SCN2A: variants seen among roughly 807,000 people sequenced by gnomAD.
The protein encoded by SCN2A is sodium channel protein type 2 subunit alpha.
In SCN2A, 20 loss-of-function variants were observed where a neutral mutation model predicts 188.7. The ratio of observed to expected loss-of-function variants is 0.11; its 90% CI spans 0.07 to 0.15. The LOEUF is 0.15. Among genes scored for constraint, SCN2A ranks in the 10% least tolerant of loss-of-function variants. The probability of loss-of-function intolerance (pLI) is 1.00; values close to 1 mark genes in which losing one functional copy is unlikely to be tolerated. For missense variants in SCN2A, 1,278 were observed against 2,445.0 expected (o/e 0.52, Z 10.07); for synonymous variants, 804 against 833.1 (o/e 0.97, Z 0.60).
chr2:165,382,656 C>G (rs1428531670), intron 25 of SCN2A, among the ~76,000 whole-genome samples: 1 of 152,020 alleles, frequency 6.6e-6, no homozygotes, highest in African/African-American at 2.4e-5. Context: ...ATGTAAATAA[C>G]AGAGAATCTA....
At chr2:165,294,040 A>AGTTT (rs780674346) in intron 1 of SCN2A, 10 of 630,412 alleles carry the variant, frequency 1.6e-5, no homozygotes, top group Non-Finnish European at 1.9e-5. Context: ...AAAAAAAAAG[A>AGTTT]TTTTTTTTTT....
intron 13 of SCN2A, among the ~76,000 whole-genome samples, chr2:165,330,483 T>G (rs1698617364): frequency 6.6e-6 from 1 of 152,174 alleles, no homozygotes; most frequent in Non-Finnish European, 1.5e-5. Context: ...TCTCCCAATG[T>G]TTGGTTGAAA....
intron 1 of SCN2A, 130 bp from the exon 2 acceptor site, chr2:165,295,643 A>G (rs749431596): frequency 2.4e-6 from 2 of 833,698 alleles, no homozygotes; most frequent in South Asian, 1.7e-5. Context: ...AATACCAAAT[A>G]CAGCTTTCTT....
intron 14 of SCN2A, among the ~76,000 whole-genome samples, chr2:165,336,813 A>G (rs1014967719): frequency 2.0e-5 from 3 of 151,986 alleles, no homozygotes; most frequent in African/African-American, 7.2e-5. Context: ...GTTGCAGTAA[A>G]TGTTCTTGTA....
intron 1 of SCN2A, among the ~76,000 whole-genome samples, chr2:165,259,353 G>A (rs1378800181): frequency 6.6e-6 from 1 of 152,110 alleles, no homozygotes; most frequent in East Asian, 1.9e-4. Flanking sequence ...AATGAAGTTT[G>A]TTGCATTGAT....
At chr2:165,301,329 G>A (rs1696797113) in intron 3 of SCN2A, among the ~76,000 whole-genome samples, 1 of 152,006 alleles carries the variant, frequency 6.6e-6, no homozygotes, top group Non-Finnish European at 1.5e-5. Flanking sequence ...GTGTACAGCT[G>A]GTATTTAAAG....
chr2:165,389,727 C>T lies in SCN2A; in HGVS notation c.5921C>T (p.Ser1974Leu). 6.2e-7 allele frequency: 1 copy of T among 1,613,768 alleles called. No individual in the cohort carries two copies. The change falls in exon 27 of 27, where the codon TCG becomes TTG. Residue 1974 changes from serine to leucine, a missense_variant. Physicochemically the swap from Ser to Leu is moderately radical, Grantham distance 145. Transcript: ENST00000375437. This position sits in a 1 kb window ranked among gnomAD's most constrained non-coding sequence, Gnocchi z 4.2. Reference protein sequence around the residue: ...DMTPSTTSPPSYDSVTKPEKE... With the variant: ...DMTPSTTSPPLYDSVTKPEKE... ...ACGCCTTCCACCACGTCTCCACCCT[C>T]GTATGATAGTGTGACCAAACCAGAA...
chr2:165,248,416 T>A lies in SCN2A; in HGVS notation c.-52+8776T>A, dbSNP rs1016684507. Among the ~76,000 whole-genome samples, 18 of 152,154 alleles carry A rather than the reference T, an allele frequency of 1.2e-4. 1 individual carries two copies. The highest frequency in any genetic ancestry group is 2.9e-5 in the Non-Finnish European group (2 of 68,014). On this transcript the variant is annotated intron_variant, in intron 1 of 26. Coordinates refer to ENST00000375437, the MANE Select transcript of SCN2A (RefSeq NM_001040142.2). ...CACTTCAATCCTTTGGGCTGTTTCC[T>A]CTGCCTAGAAACCTTTTGCCTCAGG...
chr2:165,295,916 A>C lies in SCN2A; in HGVS notation c.93A>C (p.Glu31Asp), dbSNP rs1696479768. 6.2e-7 allele frequency: 1 copy of C among 1,614,040 alleles called. No individual in the cohort carries two copies. The highest frequency in any genetic ancestry group is 1.7e-5 in the Admixed American group (1 of 59,980). The change falls in exon 2 of 27, where the codon GAA becomes GAC. Residue 31 changes from glutamate (E) to aspartate (D), a missense_variant. This residue lies in a region of SCN2A where 141 missense variants were observed against 185.4 expected (regional missense o/e 0.76). Coordinates refer to ENST00000375437, the MANE Select transcript of SCN2A (RefSeq NM_001040142.2). ...SLAAIEQRIA[E>D]EKAKRPKQER... ...CTGCTATTGAACAACGCATTGCAGA[A>C]GAGAAAGCTAAGAGACCCAAACAGG...
intron 1 of SCN2A, chr2:165,272,683 TTAGA>T (rs1257585943): frequency 5.9e-5 from 9 of 151,444 alleles, no homozygotes; most frequent in Non-Finnish European, 1.3e-4. Context: ...TCAATTACAA[TTAGA>T]TATATAGAAA....
chr2:165,367,939 T>C (rs1255089836), intron 19 of SCN2A, among the ~76,000 whole-genome samples: 1 of 152,150 alleles, frequency 6.6e-6, no homozygotes, highest in African/African-American at 2.4e-5. Context: ...AGTGTTACAG[T>C]GCCCTTTTAG....
chr2:165,370,112 T>G lies in SCN2A; in HGVS notation c.3676-14T>G. 1.2e-6 allele frequency: 2 copies of G among 1,611,012 alleles called. No homozygotes were observed. The highest frequency in any genetic ancestry group is 1.1e-5 in the South Asian group (1 of 90,952). On this transcript the variant is annotated splice_polypyrimidine_tract_variant and intron_variant, in intron 19 of 26. Coordinates refer to ENST00000375437, the MANE Select transcript of SCN2A (RefSeq NM_001040142.2). ...TTCTGATCATAAAATTTAATAGAAT[T>G]TTTTGACTTACAGGCCTTTGAAGAT... is the stretch of plus-strand genomic sequence containing the variant.
intron 19 of SCN2A, among the ~76,000 whole-genome samples, chr2:165,368,863 A>T (rs765722200): frequency 1.3e-5 from 2 of 152,086 alleles, no homozygotes; most frequent in Non-Finnish European, 2.9e-5. Flanking sequence ...TTGACTAAGA[A>T]TCCTGTGTCC....
chr2:165,295,531 A>G (rs188435210), intron 1 of SCN2A, among the ~76,000 whole-genome samples: 62 of 152,362 alleles, frequency 4.1e-4, no homozygotes, highest in Non-Finnish European at 8.2e-4. Context: ...CAATCACTTA[A>G]AACATTTTGG....
chr2:165,317,730 T>C (rs1183684331), intron 11 of SCN2A, among the ~76,000 whole-genome samples: 1 of 152,120 alleles, frequency 6.6e-6, no homozygotes, highest in African/African-American at 2.4e-5. Context: ...ATTTCCCAGC[T>C]AGTTGGGTAT....
rs2105337416 is a variant in SCN2A at position 165,354,547 on chromosome 2, A to T, written c.3275A>T (p.Tyr1092Phe). 1.9e-6 allele frequency: 3 copies of T among 1,614,156 alleles called. No individual in the cohort carries two copies. Among genetic ancestry groups the T allele is most frequent in the Non-Finnish European group, 2.5e-6 (3 of 1,180,000 alleles). Residue 1092 changes from tyrosine to phenylalanine, a missense_variant, in exon 17 of 27, where the codon TAC becomes TTC. By Grantham distance (22) the Tyr-to-Phe change is conservative. Transcript: ENST00000375437. ...VEKYVVDESD[Y>F]MSFINNPSLT... Reference sequence around the variant, plus strand: ...AAATATGTCGTGGATGAAAGTGATTACATGTCATTTATAAACAACCCTAGC... The same window carrying T: ...AAATATGTCGTGGATGAAAGTGATTTCATGTCATTTATAAACAACCCTAGC...
At chr2:165,299,137 C>T (rs1199648580) in intron 3 of SCN2A, among the ~76,000 whole-genome samples, 1 of 151,806 alleles carries the variant, frequency 6.6e-6, no homozygotes, top group Non-Finnish European at 1.5e-5. Flanking sequence ...GATTATGAAT[C>T]CCCATTTAAA....
At chr2:165,380,036 A>G (rs557766332) in intron 23 of SCN2A, among the ~76,000 whole-genome samples, 1 of 151,964 alleles carries the variant, frequency 6.6e-6, no homozygotes, top group African/African-American at 2.4e-5. Flanking sequence ...GACCTACTAC[A>G]ATGATTCTTG....
intron 13 of SCN2A, among the ~76,000 whole-genome samples, chr2:165,329,444 A>T (rs1344503441): frequency 6.6e-6 from 1 of 152,088 alleles, no homozygotes; most frequent in Admixed American, 6.6e-5. Context: ...TTCTCTCCTG[A>T]ATGCTTTGCT....
Sources: gnomAD v4.1 joint callset for allele counts (sites outside exome capture counted in the v4.1 genomes callset) on GRCh38, gnomAD v4.1.1 for gene constraint, gnomAD v4.1.1 regional missense constraint, Gnocchi (gnomAD v3.1) non-coding constraint, MANE v1.5 for transcripts, NCBI Gene and HGNC (gene_info 2026-07-23, HGNC 2026-07-21) for gene names.